Variants in PKHD1L1 observed in about 807,000 individuals in gnomAD.
PKHD1L1 encodes PKHD1 like 1.
In PKHD1L1, 434 loss-of-function variants were observed where a neutral mutation model predicts 462.9. That is an observed-to-expected ratio of 0.94 (90% CI 0.87 to 1.02). The LOEUF is 1.02. Ranked by LOEUF, PKHD1L1 falls within the 50% of genes least tolerant of loss-of-function variation. The pLI is 0.00. For missense variants in PKHD1L1, 5,202 were observed against 5,096.1 expected, an observed-to-expected ratio of 1.02 and a Z score of -0.63; for synonymous variants, 1,781 against 1,750.0, an observed-to-expected ratio of 1.02 and a Z score of -0.44.
chr8:109,510,027 G>C (rs531787800), intron 70 of PKHD1L1, among the ~76,000 whole-genome samples: 10 of 152,210 alleles, frequency 6.6e-5, no homozygotes, highest in African/African-American at 2.4e-4. Context: ...AGGTAGAAAA[G>C]CATTCACTAT....
chr8:109,512,903 G>A (rs1333157107), intron 71 of PKHD1L1, among the ~76,000 whole-genome samples: 17 of 151,658 alleles, frequency 1.1e-4, no homozygotes, highest in African/African-American at 3.4e-4. Flanking sequence ...CCTTGAAGAG[G>A]TCCTTCACAT....
Position 109,448,190 on chromosome 8 carries a change from G to C in PKHD1L1, c.5824G>C (p.Glu1942Gln), listed in dbSNP as rs1216494164. The change falls in exon 39 of 78, where the codon GAG (glutamate) becomes CAG (glutamine). Residue 1942 changes from glutamate to glutamine, a missense_variant. Glu to Gln is a conservative substitution (Grantham distance 29). Coordinates refer to ENST00000378402, the MANE Select transcript of PKHD1L1 (RefSeq NM_177531.6). The stretch of plus-strand genomic sequence containing the variant: ...GATCACTGGATCCAACTTTGGCTTT[G>C]AGATCTTGGAAATCTCCGTGATGAT... ...IEITGSNFGF[E>Q]ILEISVMINN... 1.2e-6 allele frequency: 2 copies of C among 1,610,234 alleles called. No homozygotes were observed. Among genetic ancestry groups the C allele is most frequent in the African/African-American group, 1.3e-5 (1 of 74,346 alleles).
At chr8:109,394,049 C>A (rs1586420859) in intron 9 of PKHD1L1, among the ~76,000 whole-genome samples, 1 of 151,782 alleles carries the variant, frequency 6.6e-6, no homozygotes, top group African/African-American at 2.4e-5. Context: ...TGGCATGCGC[C>A]TGTAGTCCCA....
At chr8:109,440,671 A>T (rs567921233) in intron 32 of PKHD1L1, 39 bp from the exon 33 acceptor site, 2 of 1,578,474 alleles carry the variant, frequency 1.3e-6, no homozygotes, top group South Asian at 2.3e-5. Context: ...ATAAATCAGT[A>T]GGAAGCTCAT....
In PKHD1L1 at chr8:109,394,197, A is replaced by AAAG. The variant is rs1266975693; in HGVS notation, c.741-218_741-217insAAG. Among the ~76,000 whole-genome samples, 7 of 135,914 alleles carry AAAG rather than the reference A, an allele frequency of 5.2e-5. 1 individual carries two copies. The highest frequency in any genetic ancestry group is 9.7e-5 in the Non-Finnish European group (6 of 62,058). 89.2% of individuals were successfully genotyped at this position (135,914 alleles called of 152,430 possible). On this transcript the variant is annotated intron_variant, in intron 9 of 77. Transcript: ENST00000378402. ...AAAAAAAAAAAAAAAAAAAAAAAAA[A>AAAG]GAAATCAACTTTATTGAGATATAGT...
At chr8:109,389,796 G>A (rs1812626918) in intron 8 of PKHD1L1, among the ~76,000 whole-genome samples, 1 of 152,050 alleles carries the variant, frequency 6.6e-6, no homozygotes, top group African/African-American at 2.4e-5. Context: ...CCAAAGTGCT[G>A]GGATTACAGG....
At chr8:109,494,547 C>T (rs935361129) in intron 63 of PKHD1L1, among the ~76,000 whole-genome samples, 2 of 151,836 alleles carry the variant, frequency 1.3e-5, no homozygotes, top group Non-Finnish European at 2.9e-5. Flanking sequence ...CTAGACTACT[C>T]GAAGAAAGAA....
At chr8:109,469,778 C>T (rs150954885) in intron 50 of PKHD1L1, among the ~76,000 whole-genome samples, 2 of 152,064 alleles carry the variant, frequency 1.3e-5, no homozygotes, top group East Asian at 3.9e-4. Context: ...AACTAGATGT[C>T]CAGAATGGAA....
chr8:109,517,007 AC>A (rs1179445810), intron 72 of PKHD1L1, among the ~76,000 whole-genome samples: 1 of 152,138 alleles, frequency 6.6e-6, no homozygotes. Context: ...AAAAAAGCAG[AC>A]ATAGATATTA....
chr8:109,440,801 A>G lies in PKHD1L1; in HGVS notation c.4048A>G (p.Ile1350Val). 3 of 1,613,130 alleles carry G rather than the reference A, an allele frequency of 1.9e-6. No homozygotes were observed. The South Asian group carries it at 3.3e-5, about 18-fold the overall frequency. ...GSLFGGTEIT[I>V]RGFGFSTIPA... is the part of the protein sequence containing the mutation. ...CTTGTTTGGTGGAACTGAAATCACCATAAGGGGTTTTGGATTCAGCACAAT... is the reference window on the plus strand; with the variant it reads ...CTTGTTTGGTGGAACTGAAATCACCGTAAGGGGTTTTGGATTCAGCACAAT... The change falls in exon 33 of 78, where the codon ATA becomes GTA. Residue 1350 changes from isoleucine (I) to valine (V), a missense_variant. Physicochemically the swap from Ile to Val is conservative, Grantham distance 29 (BLOSUM62 3). Around this residue, in one of 3 missense-constraint regions of PKHD1L1, gnomAD observed 4,497 missense variants for 4,336.8 expected, o/e 1.04. Coordinates refer to ENST00000378402, the MANE Select transcript of PKHD1L1 (RefSeq NM_177531.6).
chr8:109,513,461 A>G (rs191957975), intron 71 of PKHD1L1, among the ~76,000 whole-genome samples: 2 of 152,158 alleles, frequency 1.3e-5, no homozygotes, highest in Admixed American at 1.3e-4. Context: ...TATCTTCAAT[A>G]ATGTCAAGTC....
At chr8:109,446,333 G>C (rs1816138810) in intron 38 of PKHD1L1, among the ~76,000 whole-genome samples, 1 of 152,078 alleles carries the variant, frequency 6.6e-6, no homozygotes, top group African/African-American at 2.4e-5. Flanking sequence ...GCTCTCAAAT[G>C]GTTCAAATTT....
At chr8:109,383,453 A>G (rs567477866) in intron 4 of PKHD1L1, among the ~76,000 whole-genome samples, 107 of 126,580 alleles carry the variant, frequency 8.5e-4, no homozygotes, top group African/African-American at 3.1e-3. Context: ...TATTATAAGT[A>G]TATATAATAT....
intron 38 of PKHD1L1, among the ~76,000 whole-genome samples, 170 bp from the exon 39 acceptor site, chr8:109,447,973 G>A (rs1002257266): frequency 2.0e-5 from 3 of 152,100 alleles, no homozygotes; most frequent in South Asian, 2.1e-4. Context: ...AGACTGTAGG[G>A]TATATTGTAG....
chr8:109,426,908 C>T (rs930667746), intron 24 of PKHD1L1, 94 bp from the exon 25 acceptor site: 2 of 740,034 alleles, frequency 2.7e-6, no homozygotes, highest in African/African-American at 1.8e-5. Context: ...CCGCTTTGGC[C>T]TCCCAAAGTG....
chr8:109,389,499 A>AGTGTGTGTGTGT (rs55680302), intron 8 of PKHD1L1, among the ~76,000 whole-genome samples: 1 of 140,768 alleles, frequency 7.1e-6, no homozygotes, highest in East Asian at 2.1e-4. Flanking sequence ...ATCTTTTAAG[A>AGTGTGTGTGTGT]GTGTGTGTGT....
Position 109,445,045 on chromosome 8 carries a change from C to A in PKHD1L1, c.5176C>A (p.Leu1726Ile). The A allele has an allele frequency of 6.2e-7, 1 of 1,613,928 alleles. No homozygotes were observed. Among genetic ancestry groups the A allele is most frequent in the Non-Finnish European group, 8.5e-7 (1 of 1,179,838 alleles). ...PAAQQLVDVD[L>I]LIHGVPAQCQ... The stretch of plus-strand genomic sequence containing the variant: ...TGCCCAACAGCTTGTGGATGTAGAT[C>A]TTCTAATACATGGAGTGCCTGCCCA... The change falls in exon 38 of 78, where the codon CTT becomes ATT. Residue 1726 changes from leucine (L) to isoleucine (I), a missense_variant. Transcript: ENST00000378402.
At chr8:109,466,520 C>T (rs1817447043) in intron 49 of PKHD1L1, 58 bp from the exon 50 acceptor site, 6 of 1,467,668 alleles carry the variant, frequency 4.1e-6, no homozygotes, top group Non-Finnish European at 5.5e-6. Context: ...ATATTGTAGA[C>T]CTTTTTTATG....
At chr8:109,521,994 A>G (rs1452813391) in intron 73 of PKHD1L1, among the ~76,000 whole-genome samples, 192 bp from the exon 74 acceptor site, 1 of 152,068 alleles carries the variant, frequency 6.6e-6, no homozygotes, top group Admixed American at 6.5e-5. Flanking sequence ...AACTTAAAAT[A>G]TATTCTCCTG....
Sources: allele counts gnomAD v4.1 joint callset (sites outside exome capture counted in the v4.1 genomes callset), GRCh38; gene constraint gnomAD v4.1.1; regional missense constraint gnomAD v4.1.1; transcripts MANE v1.5; gene names NCBI Gene and HGNC (gene_info 2026-07-23, HGNC 2026-07-21).